The following HS3ST4 variants were observed in gnomAD, a reference collection of about 807,000 sequenced individuals.
The protein encoded by HS3ST4 is heparan sulfate-glucosamine 3-sulfotransferase 4.
In HS3ST4, 17 loss-of-function variants were observed where a neutral mutation model predicts 29.2. That is an observed-to-expected ratio of 0.58 (90% CI 0.40 to 0.87). HS3ST4 has a LOEUF of 0.87. Among genes scored for constraint, HS3ST4 ranks in the 40% least tolerant of loss-of-function variants. The pLI is 0.00. For missense variants in HS3ST4, 627 were observed against 634.5 expected (o/e 0.99, Z 0.13); for synonymous variants, 314 against 285.7 (o/e 1.10, Z -1.00).
intron 1 of HS3ST4, among the ~76,000 whole-genome samples, chr16:25,810,798 G>T (rs1389172370): frequency 2.0e-5 from 3 of 152,052 alleles, no homozygotes; most frequent in African/African-American, 7.3e-5. Flanking sequence ...TTTTCCCCCG[G>T]TTGTATAAAT....
At chr16:26,016,446 A>G (rs1188832693) in intron 1 of HS3ST4, among the ~76,000 whole-genome samples, 4 of 152,230 alleles carry the variant, frequency 2.6e-5, no homozygotes, top group African/African-American at 9.6e-5. Flanking sequence ...GTCTGATTAT[A>G]CCAAGGAGAA....
Position 25,693,051 on chromosome 16 carries a change from G to A in HS3ST4, c.634G>A (p.Ala212Thr). The A allele has an allele frequency of 6.2e-7, 1 of 1,610,162 alleles. No homozygotes were observed. Among genetic ancestry groups the A allele is most frequent in the Non-Finnish European group, 8.5e-7 (1 of 1,178,534 alleles). The change falls in exon 1 of 2, where the codon GCG (alanine) becomes ACG (threonine). Residue 212 changes from alanine (A) to threonine (T), a missense_variant. Ala to Thr is a moderately conservative substitution (Grantham distance 58). Coordinates refer to ENST00000331351, the MANE Select transcript of HS3ST4 (RefSeq NM_006040.3). Reference sequence around the variant, plus strand: ...CGGGGTCAAGAAAGGAGGGACCCGCGCGCTGCTGGAGGCGATCCGCGTGCA... The same window carrying A: ...CGGGGTCAAGAAAGGAGGGACCCGCACGCTGCTGGAGGCGATCCGCGTGCA... The part of the protein sequence containing the change: ...IIGVKKGGTR[A>T]LLEAIRVHPD...
intron 1 of HS3ST4, among the ~76,000 whole-genome samples, chr16:25,852,915 T>G (rs935183739): frequency 6.6e-6 from 1 of 152,196 alleles, no homozygotes; most frequent in African/African-American, 2.4e-5. Flanking sequence ...TTGTACTATT[T>G]AAAAATTTCC....
At chr16:25,806,321 G>T (rs932688718) in intron 1 of HS3ST4, among the ~76,000 whole-genome samples, 3 of 150,744 alleles carry the variant, frequency 2.0e-5, no homozygotes, top group African/African-American at 4.9e-5. Flanking sequence ...GAGTGCAAGC[G>T]TGTGTGTGTG....
intron 1 of HS3ST4, among the ~76,000 whole-genome samples, chr16:25,924,268 C>A (rs1476143248): frequency 6.6e-6 from 1 of 152,188 alleles, no homozygotes; most frequent in Admixed American, 6.5e-5. Flanking sequence ...TTAAATATCT[C>A]TTTAATCTAT....
chr16:25,839,943 T>C (rs1967396570), intron 1 of HS3ST4, among the ~76,000 whole-genome samples: 2 of 152,226 alleles, frequency 1.3e-5, no homozygotes, highest in Non-Finnish European at 2.9e-5. Flanking sequence ...GAAGAAAGTA[T>C]AGGCCGAGAA....
intron 1 of HS3ST4, among the ~76,000 whole-genome samples, chr16:25,947,518 CA>C (rs1968639653): frequency 6.6e-6 from 1 of 151,624 alleles, no homozygotes; most frequent in African/African-American, 2.4e-5. Context: ...TCTTATTCTG[CA>C]ATCCATGCGG....
chr16:26,123,084 G>C (rs959439969), intron 1 of HS3ST4, among the ~76,000 whole-genome samples: 1 of 151,658 alleles, frequency 6.6e-6, no homozygotes, highest in African/African-American at 2.4e-5. Flanking sequence ...GCTTGAACAG[G>C]GCTCTTCTCC....
At chr16:25,696,976 G>A (rs1966302560) in intron 1 of HS3ST4, among the ~76,000 whole-genome samples, 1 of 152,170 alleles carries the variant, frequency 6.6e-6, no homozygotes, top group African/African-American at 2.4e-5. Flanking sequence ...GATTAACTCA[G>A]GGTCACTTGG....
intron 1 of HS3ST4, among the ~76,000 whole-genome samples, chr16:25,990,098 A>T (rs7196247): frequency 2.0e-5 from 3 of 152,130 alleles, no homozygotes; most frequent in African/African-American, 7.2e-5. Flanking sequence ...ATGTCTTCTC[A>T]GCTCATTTCT....
chr16:25,910,643 G>C (rs375525055), intron 1 of HS3ST4, among the ~76,000 whole-genome samples: 2 of 150,980 alleles, frequency 1.3e-5, no homozygotes, highest in Admixed American at 6.6e-5. Context: ...GAGAGACTCT[G>C]TCTCAAAAAA....
At chr16:25,893,479 T>G (rs1247010001) in intron 1 of HS3ST4, among the ~76,000 whole-genome samples, 1 of 152,170 alleles carries the variant, frequency 6.6e-6, no homozygotes, top group Non-Finnish European at 1.5e-5. Context: ...ATCCCGTTGG[T>G]CAGCCTTGTG....
At chr16:25,794,896 TACAC>T (rs59740575) in intron 1 of HS3ST4, among the ~76,000 whole-genome samples, 2,605 of 136,636 alleles carry the variant, frequency 0.019, 68 homozygotes, top group African/African-American at 0.059. Context: ...TACTCAAGAA[TACAC>T]ACACACACAC....
intron 1 of HS3ST4, among the ~76,000 whole-genome samples, chr16:25,848,283 C>T (rs1172122919): frequency 6.6e-6 from 1 of 151,946 alleles, no homozygotes; most frequent in African/African-American, 2.4e-5. Context: ...GGATTACAGG[C>T]GTGTGCCACC....
chr16:26,058,872 C>G (rs1377555044), intron 1 of HS3ST4, among the ~76,000 whole-genome samples: 1 of 152,070 alleles, frequency 6.6e-6, no homozygotes, highest in Non-Finnish European at 1.5e-5. Context: ...CTCCTGGTGT[C>G]CTGACGATCA....
At chr16:25,828,289 T>TC (rs1967250633) in intron 1 of HS3ST4, among the ~76,000 whole-genome samples, 3 of 94,496 alleles carry the variant, frequency 3.2e-5, no homozygotes, top group Non-Finnish European at 4.2e-5. Context: ...TCTTTCTTTC[T>TC]TTCTTTCTTT....
At chr16:25,862,088 A>G (rs1398322603) in intron 1 of HS3ST4, among the ~76,000 whole-genome samples, 1 of 152,160 alleles carries the variant, frequency 6.6e-6, no homozygotes, top group Non-Finnish European at 1.5e-5. Context: ...CAGGCTTTAG[A>G]TTCTCATAAG....
intron 1 of HS3ST4, among the ~76,000 whole-genome samples, chr16:25,726,253 T>G (rs1281200192): frequency 6.6e-6 from 1 of 152,218 alleles, no homozygotes; most frequent in African/African-American, 2.4e-5. Flanking sequence ...TAAATTGCTT[T>G]CAATGTTTTT....
intron 1 of HS3ST4, among the ~76,000 whole-genome samples, chr16:25,978,723 C>T (rs1377554591): frequency 6.6e-6 from 1 of 152,216 alleles, no homozygotes; most frequent in African/African-American, 2.4e-5. Flanking sequence ...CACCAAGTCA[C>T]AGCATTCTTT....
Sources: gnomAD v4.1 joint callset for allele counts (sites outside exome capture counted in the v4.1 genomes callset) on GRCh38, gnomAD v4.1.1 for gene constraint, MANE v1.5 for transcripts, NCBI Gene and HGNC (gene_info 2026-07-23, HGNC 2026-07-21) for gene names.